The following TGFBR3 variants were observed in gnomAD, a reference collection of about 807,000 sequenced individuals.
The protein encoded by TGFBR3 is transforming growth factor beta receptor type 3.
Under a neutral mutation model 87.9 loss-of-function variants are expected in TGFBR3, and 46 were observed. The ratio of observed to expected loss-of-function variants is 0.52; its 90% CI spans 0.41 to 0.67. TGFBR3 has a LOEUF of 0.67. Among genes scored for constraint, TGFBR3 ranks in the 30% least tolerant of loss-of-function variants. The pLI, the probability that TGFBR3 is intolerant of heterozygous loss-of-function variation, is 0.00. For synonymous variants in TGFBR3, 381 were observed against 391.6 expected (o/e 0.97, Z 0.32); for missense variants, 866 against 1,041.9 (o/e 0.83, Z 2.32).
intron 16 of TGFBR3, among the ~76,000 whole-genome samples, chr1:91,688,895 G>A (rs1389009116): frequency 1.3e-5 from 2 of 152,054 alleles, no homozygotes; most frequent in Non-Finnish European, 2.9e-5. Context: ...AGACTAAGGT[G>A]TGATAAGGTA....
chr1:91,803,575 T>A (rs529989328), intron 2 of TGFBR3, among the ~76,000 whole-genome samples: 12 of 152,118 alleles, frequency 7.9e-5, no homozygotes, highest in Non-Finnish European at 1.8e-4. Flanking sequence ...TGTAAACTCT[T>A]TTTTTTATAT....
chr1:91,793,485 T>G (rs1358109764), intron 3 of TGFBR3, among the ~76,000 whole-genome samples: 1 of 152,118 alleles, frequency 6.6e-6, no homozygotes, highest in East Asian at 1.9e-4. Flanking sequence ...CGGCACTTAT[T>G]TCATTTTGAA....
chr1:91,850,703 C>T (rs1306487567), intron 2 of TGFBR3, among the ~76,000 whole-genome samples: 2 of 150,668 alleles, frequency 1.3e-5, no homozygotes, highest in African/African-American at 2.5e-5. Flanking sequence ...ATCTCTTGAG[C>T]CTGGGAGGTT....
At chr1:91,885,605 A>T (rs1168417479) in intron 1 of TGFBR3, among the ~76,000 whole-genome samples, 4 of 152,104 alleles carry the variant, frequency 2.6e-5, no homozygotes, top group Non-Finnish European at 5.9e-5. Context: ...GCGGGCGTGG[A>T]GAATTCCTCC....
At chr1:91,742,314 T>C (rs1312788857) in intron 4 of TGFBR3, among the ~76,000 whole-genome samples, 1 of 152,242 alleles carries the variant, frequency 6.6e-6, no homozygotes, top group East Asian at 1.9e-4. Context: ...AAAAACCTTG[T>C]TCATTCTGAA....
intron 2 of TGFBR3, among the ~76,000 whole-genome samples, chr1:91,829,130 C>G (rs1483012502): frequency 6.6e-6 from 1 of 152,042 alleles, no homozygotes; most frequent in Non-Finnish European, 1.5e-5. Flanking sequence ...AATCCCAGCA[C>G]TGTGGGAGGG....
intron 14 of TGFBR3, among the ~76,000 whole-genome samples, chr1:91,701,226 C>A (rs1303726233): frequency 6.6e-6 from 1 of 151,870 alleles, no homozygotes; most frequent in Non-Finnish European, 1.5e-5. Context: ...TGTTCATTTC[C>A]CCTGGGTGAA....
chr1:91,748,938 G>A (rs1557690723), intron 4 of TGFBR3, among the ~76,000 whole-genome samples: 1 of 152,054 alleles, frequency 6.6e-6, no homozygotes, highest in Non-Finnish European at 1.5e-5. Context: ...GTACTCAGAA[G>A]AGTACCTCAC....
chr1:91,703,076 C>T (rs1412315504), intron 14 of TGFBR3, among the ~76,000 whole-genome samples: 2 of 151,646 alleles, frequency 1.3e-5, no homozygotes, highest in African/African-American at 4.8e-5. Context: ...GTAAAATACA[C>T]GATGTTAAAA....
intron 2 of TGFBR3, among the ~76,000 whole-genome samples, chr1:91,813,895 C>A (rs188654148): frequency 2.0e-5 from 3 of 152,316 alleles, no homozygotes; most frequent in Admixed American, 1.3e-4. Context: ...TCATAAGGAG[C>A]AGGCAACCTA....
At chr1:91,710,790 A>G (rs868849402) in intron 13 of TGFBR3, among the ~76,000 whole-genome samples, 1 of 152,164 alleles carries the variant, frequency 6.6e-6, no homozygotes, top group Non-Finnish European at 1.5e-5. Flanking sequence ...AGACTGGCTT[A>G]AAGTCCCATT....
intron 14 of TGFBR3, 64 bp from the exon 15 acceptor site, chr1:91,698,194 CAA>C (rs1571416818): frequency 2.1e-6 from 3 of 1,395,434 alleles, no homozygotes; most frequent in Admixed American, 1.7e-5. Flanking sequence ...AAAGGGTCAT[CAA>C]AGTCTCAGCA....
At chr1:91,738,320 A>G (rs1326893843) in intron 4 of TGFBR3, among the ~76,000 whole-genome samples, 2 of 152,174 alleles carry the variant, frequency 1.3e-5, no homozygotes, top group Non-Finnish European at 2.9e-5. Context: ...TATAGTTTGC[A>G]TATTTGTCCC....
At chr1:91,880,766 C>G (rs1035678750) in intron 1 of TGFBR3, among the ~76,000 whole-genome samples, 3 of 151,470 alleles carry the variant, frequency 2.0e-5, no homozygotes, top group Admixed American at 6.6e-5. Flanking sequence ...GTAATCCCAA[C>G]AATTTGAGAA....
At chr1:91,712,884 T>G (rs925710951) in intron 12 of TGFBR3, among the ~76,000 whole-genome samples, 2 of 152,184 alleles carry the variant, frequency 1.3e-5, no homozygotes, top group Non-Finnish European at 2.9e-5. Flanking sequence ...TTTTCCGAAG[T>G]AAATAAAACA....
At chr1:91,765,905 T>C (rs1292496521) in intron 3 of TGFBR3, among the ~76,000 whole-genome samples, 1 of 152,132 alleles carries the variant, frequency 6.6e-6, no homozygotes, top group Non-Finnish European at 1.5e-5. Flanking sequence ...AAAGTTTGCT[T>C]TTTATATATA....
chr1:91,829,383 AAAAC>A (rs1352457830), intron 2 of TGFBR3, among the ~76,000 whole-genome samples: 1 of 140,368 alleles, frequency 7.1e-6, no homozygotes, highest in South Asian at 2.3e-4. Context: ...GGTCTTCAAA[AAAAC>A]AAACAAACAA....
chr1:91,702,232 T>G (rs753463042), intron 14 of TGFBR3, among the ~76,000 whole-genome samples: 1 of 152,204 alleles, frequency 6.6e-6, no homozygotes, highest in African/African-American at 2.4e-5. Context: ...ACAAGATAAT[T>G]TGTCCACTAT....
intron 4 of TGFBR3, among the ~76,000 whole-genome samples, chr1:91,753,046 G>GA (rs962692799): frequency 2.0e-5 from 3 of 149,178 alleles, no homozygotes; most frequent in Non-Finnish European, 4.5e-5. Flanking sequence ...AAGAAAAAAA[G>GA]AAAAAAAAAT....
Sources: allele counts gnomAD v4.1 joint callset (sites outside exome capture counted in the v4.1 genomes callset), GRCh38; gene constraint gnomAD v4.1.1; transcripts MANE v1.5; gene names NCBI Gene and HGNC (gene_info 2026-07-23, HGNC 2026-07-21).